HPGDS: variants seen among roughly 807,000 people sequenced by gnomAD.
HPGDS encodes the protein GST class-sigma.
A neutral mutation model predicts 23.1 loss-of-function variants in HPGDS; 26 were observed. The ratio of observed to expected loss-of-function variants is 1.13; its 90% CI spans 0.83 to 1.56. The LOEUF (loss-of-function observed/expected upper bound fraction) is 1.56, where lower values mean the gene tolerates loss of function less well. HPGDS is among the 40% of genes most tolerant of loss of function. HPGDS has a pLI of 0.00. For synonymous variants in HPGDS, 95 were observed against 77.9 expected (o/e 1.22, Z -1.16); for missense variants, 268 against 236.4 (o/e 1.13, Z -0.88).
intron 2 of HPGDS, among the ~76,000 whole-genome samples, chr4:94,333,147 G>A (rs1756762743): frequency 6.6e-6 from 1 of 152,190 alleles, no homozygotes; most frequent in South Asian, 2.1e-4. Context: ...GCACCAGAGA[G>A]CACTGCTAAA....
chr4:94,321,160 C>T (rs2126041283), intron 2 of HPGDS, among the ~76,000 whole-genome samples: 1 of 152,264 alleles, frequency 6.6e-6, no homozygotes, highest in East Asian at 1.9e-4. Flanking sequence ...GTTTTGGTTA[C>T]TGTAGGCTTG....
chr4:94,306,209 C>G (rs1756135671), intron 4 of HPGDS, among the ~76,000 whole-genome samples: 1 of 151,984 alleles, frequency 6.6e-6, no homozygotes, highest in Non-Finnish European at 1.5e-5. Context: ...AAACAACAAA[C>G]AAGTAATCAC....
rs546958663 is a variant in HPGDS at position 94,340,079 on chromosome 4, G to A, written c.-10+2716C>T. ...CGATTATCCTGCCTCAGTCTCCCAA[G>A]TAGCTAGGATTATAGGTGTGCGCCA... On this transcript the variant is annotated intron_variant, in intron 1 of 5. Transcript: ENST00000295256. 1.1e-4 allele frequency among the ~76,000 whole-genome samples: 16 copies of A among 152,042 alleles called. No individual in the cohort carries two copies. In the East Asian group the frequency reaches 3.1e-3, roughly 30 times the overall value.
At chr4:94,316,091 C>T (rs1029410271) in intron 3 of HPGDS, among the ~76,000 whole-genome samples, 3 of 152,132 alleles carry the variant, frequency 2.0e-5, no homozygotes, top group African/African-American at 7.2e-5. Flanking sequence ...CAAGTAGTGG[C>T]TGTATATAGT....
chr4:94,310,053 G>A (rs1316605172), intron 3 of HPGDS, among the ~76,000 whole-genome samples: 5 of 152,112 alleles, frequency 3.3e-5, no homozygotes, highest in Admixed American at 2.0e-4. Context: ...TGAGTAGATT[G>A]CAAAAATTTT....
intron 2 of HPGDS, among the ~76,000 whole-genome samples, chr4:94,328,163 G>A (rs560159568): frequency 1.8e-4 from 28 of 152,312 alleles, no homozygotes; most frequent in South Asian, 8.3e-4. Context: ...AGTCCCTCCC[G>A]GCTCCAAGCT....
intron 1 of HPGDS, among the ~76,000 whole-genome samples, chr4:94,340,260 CCTTTCTTTCTTTCTTTCTTTCTTTCTTT>C (rs201837103): frequency 2.5e-5 from 2 of 81,444 alleles, no homozygotes; most frequent in South Asian, 5.9e-4. Context: ...CTGGTCTAAA[CCTTTCTTTCTTTCTTTCTTTCTTTCTTT>C]CTTTCTTTCT....
intron 2 of HPGDS, among the ~76,000 whole-genome samples, chr4:94,319,820 G>T (rs553834474): frequency 6.6e-6 from 1 of 152,254 alleles, no homozygotes; most frequent in Non-Finnish European, 1.5e-5. Context: ...GTGCAGGTTT[G>T]TTACATAGGT....
At chr4:94,326,639 C>A (rs1328626126) in intron 2 of HPGDS, among the ~76,000 whole-genome samples, 1 of 151,934 alleles carries the variant, frequency 6.6e-6, no homozygotes, top group African/African-American at 2.4e-5. Context: ...TATCTGTATT[C>A]TTTTGTATCT....
chr4:94,304,361 G>A (rs1756102555), intron 4 of HPGDS, among the ~76,000 whole-genome samples: 1 of 152,248 alleles, frequency 6.6e-6, no homozygotes, highest in South Asian at 2.1e-4. Context: ...CACTAATGGT[G>A]AGTTCAAGGA....
At chr4:94,309,013 C>T (rs911690649) in intron 3 of HPGDS, among the ~76,000 whole-genome samples, 1 of 133,390 alleles carries the variant, frequency 7.5e-6, no homozygotes, top group Non-Finnish European at 1.6e-5. Flanking sequence ...ATGTCCCCTA[C>T]ATATCTTTCT....
chr4:94,321,660 T>C (rs1004036470), intron 2 of HPGDS, among the ~76,000 whole-genome samples: 3 of 152,222 alleles, frequency 2.0e-5, no homozygotes, highest in Non-Finnish European at 4.4e-5. Flanking sequence ...AAGGAGATTT[T>C]GGGCTGAGAT....
Position 94,334,646 on chromosome 4 carries a change from A to G in HPGDS, c.-9-8T>C, listed in dbSNP as rs1227417899. On this transcript the variant is annotated splice_region_variant and splice_polypyrimidine_tract_variant and intron_variant, in intron 1 of 5. Coordinates refer to ENST00000295256, the MANE Select transcript of HPGDS (RefSeq NM_014485.3). ...GTTTGGCATGGTGCAATTCTGGAAA[A>G]AGAAAAAGGGAGGGATTATTTTAAG... 1 of 1,605,718 alleles carries G rather than the reference A, an allele frequency of 6.2e-7. No individual in the cohort carries two copies. Among genetic ancestry groups the G allele is most frequent in the Non-Finnish European group, 8.5e-7 (1 of 1,177,690 alleles).
chr4:94,314,747 C>T lies in HPGDS; in HGVS notation c.226+3126G>A, dbSNP rs553889732. On this transcript the variant is annotated intron_variant, in intron 3 of 5. Coordinates refer to ENST00000295256, the MANE Select transcript of HPGDS (RefSeq NM_014485.3). ...GCCCTGCCCCCAGAGGTGGAGTCTACGGAGGCAGGCAGGCCTCCTTGAGCT... is the reference window on the plus strand; with the variant it reads ...GCCCTGCCCCCAGAGGTGGAGTCTATGGAGGCAGGCAGGCCTCCTTGAGCT... Among the ~76,000 whole-genome samples the T allele has an allele frequency of 2.3e-4, 35 of 152,286 alleles. No individual in the cohort carries two copies. In the East Asian group the frequency reaches 2.9e-3, roughly 13 times the overall value.
intron 5 of HPGDS, among the ~76,000 whole-genome samples, chr4:94,300,421 C>A (rs1366929325): frequency 5.9e-5 from 9 of 152,122 alleles, no homozygotes; most frequent in African/African-American, 1.7e-4. Context: ...TACTTTGGCT[C>A]CATATGATTA....
Position 94,308,721 on chromosome 4 carries a change from C to A in HPGDS, c.249G>T (p.Met83Ile). The change falls in exon 4 of 6, where the codon ATG (methionine) becomes ATT (isoleucine). Residue 83 changes from methionine (M) to isoleucine (I), a missense_variant. Met to Ile is a conservative substitution (Grantham distance 10). Transcript: ENST00000295256. ...CAATAGCATCAACATGACATTGTTC[C>A]ATTTCTGTGTTTCCAGCCAAATCTG... ...KNTDLAGNTEMEQCHVDAIVD... is the reference protein window; with the variant it reads ...KNTDLAGNTEIEQCHVDAIVD... The A allele has an allele frequency of 2.5e-6, 4 of 1,602,074 alleles. No homozygotes were observed. The South Asian group carries it at 4.4e-5, about 18-fold the overall frequency.
intron 4 of HPGDS, among the ~76,000 whole-genome samples, chr4:94,302,825 T>C (rs1381051240): frequency 6.6e-6 from 1 of 152,106 alleles, no homozygotes; most frequent in Non-Finnish European, 1.5e-5. Context: ...TTATCCCCTC[T>C]TGATATATAA....
In HPGDS at chr4:94,319,591, CTCATT is replaced by C. The variant is rs552243496; in HGVS notation, c.134-1631_134-1627del. Among the ~76,000 whole-genome samples the C allele has an allele frequency of 2.6e-4, 40 of 152,148 alleles. 1 individual carries two copies. The East Asian group carries it at 7.7e-3, about 29-fold the overall frequency. On this transcript the variant is annotated intron_variant, in intron 2 of 5. Transcript: ENST00000295256. ...TAATAACTTTTGATTTTTTCTCTTT[CTCATT>C]TATGTATCTGCTCTACCAGTTAGTT...
chr4:94,325,836 G>A (rs893540245), intron 2 of HPGDS, among the ~76,000 whole-genome samples: 3 of 152,158 alleles, frequency 2.0e-5, no homozygotes, highest in Non-Finnish European at 4.4e-5. Flanking sequence ...ACCTCAGTTG[G>A]AAATGCAGAA....
Sources: gnomAD v4.1 joint callset for allele counts (sites outside exome capture counted in the v4.1 genomes callset) on GRCh38, gnomAD v4.1.1 for gene constraint, MANE v1.5 for transcripts, NCBI Gene and HGNC (gene_info 2026-07-23, HGNC 2026-07-21) for gene names.